Variants in FAAP20 observed in about 807,000 individuals in gnomAD.
FAAP20 encodes the protein Fanconi anemia core complex-associated protein 20.
In FAAP20, 12 loss-of-function variants were observed where a neutral mutation model predicts 16.2. The observed-to-expected ratio is 0.74, with a 90% CI of 0.48 to 1.20. The LOEUF (loss-of-function observed/expected upper bound fraction) is 1.20. Ranked by LOEUF, FAAP20 falls within the 50% of genes most tolerant of loss-of-function variation. The pLI is 0.00. For synonymous variants in FAAP20, 141 were observed against 110.7 expected, an observed-to-expected ratio of 1.27 and a Z score of -1.72; for missense variants, 288 against 245.8, an observed-to-expected ratio of 1.17 and a Z score of -1.15.
downstream of FAAP20, chr1:2,184,955 C>T (rs765516211): frequency 1.2e-6 from 2 of 1,613,824 alleles, no homozygotes; most frequent in African/African-American, 1.3e-5. Flanking sequence ...AGTCAGAGTT[C>T]GAAGGCTTTG....
At position 2,193,986 on chromosome 1, in the gene FAAP20, C is replaced by A. The variant is rs768331928; in HGVS notation, c.198+12G>T. 6 of 1,612,610 alleles carry A rather than the reference C, an allele frequency of 3.7e-6. No individual in the cohort carries two copies. Among genetic ancestry groups the A allele is most frequent in the Non-Finnish European group, 4.2e-6 (5 of 1,179,900 alleles). ...AACCCCTTCATCGCTAAGATGGGCC[C>A]AGTGGGCACACCTGTCCTGGGAAGG... is the stretch of plus-strand genomic sequence containing the variant. On this transcript the variant is annotated intron_variant, in intron 2 of 3. Coordinates refer to ENST00000378546, the MANE Select transcript of FAAP20 (RefSeq NM_182533.4).
chr1:2,195,770 G>C (rs1405088662), upstream of FAAP20, among the ~76,000 whole-genome samples: 1 of 152,248 alleles, frequency 6.6e-6, no homozygotes, highest in Non-Finnish European at 1.5e-5. Flanking sequence ...CCATAGGTTG[G>C]TGTTCAGGGA....
downstream of FAAP20, among the ~76,000 whole-genome samples, chr1:2,188,874 G>T (rs950437994): frequency 6.6e-6 from 1 of 151,982 alleles, no homozygotes; most frequent in Non-Finnish European, 1.5e-5. Flanking sequence ...GCGTGGTGGC[G>T]GGCGCCTGTA....
intron 3 of FAAP20, chr1:2,193,416 C>A (rs527871927): frequency 1.2e-5 from 8 of 677,764 alleles, no homozygotes; most frequent in Non-Finnish European, 1.9e-5. Flanking sequence ...GTTCTGTGGG[C>A]CCCCAGCCTG....
At chr1:2,201,248 T>G, upstream of FAAP20, 3 of 1,192,906 alleles carry the variant, frequency 2.5e-6, no homozygotes, top group South Asian at 4.5e-5. Context: ...ATAAGGACAG[T>G]GGGTGGCCTG....
upstream of FAAP20, among the ~76,000 whole-genome samples, chr1:2,201,583 G>T (rs184270125): frequency 2.0e-5 from 3 of 152,166 alleles, no homozygotes; most frequent in African/African-American, 4.8e-5. Flanking sequence ...TTAGCCGGGC[G>T]TGGTGCCGTG....
chr1:2,199,171 T>C (rs1688943178), upstream of FAAP20: 1 of 1,179,408 alleles, frequency 8.5e-7, no homozygotes, highest in Non-Finnish European at 1.1e-6. The surrounding 1 kb of genome is among the most constrained non-coding windows in gnomAD (Gnocchi z 4.5). Context: ...ATCCCAGCCA[T>C]GGCCTGTGTC....
downstream of FAAP20, among the ~76,000 whole-genome samples, chr1:2,211,862 G>A (rs1557798284): frequency 6.6e-6 from 1 of 151,512 alleles, no homozygotes; most frequent in Non-Finnish European, 1.5e-5. Flanking sequence ...AGGGATTACA[G>A]GCGTGAGCCA....
upstream of FAAP20, among the ~76,000 whole-genome samples, chr1:2,202,817 T>G (rs2100742137): frequency 6.6e-6 from 1 of 152,280 alleles, no homozygotes; most frequent in East Asian, 1.9e-4. Context: ...TCTCATAATA[T>G]TGTCCAGGCT....
At chr1:2,199,222 C>T, upstream of FAAP20, 1 of 1,164,910 alleles carries the variant, frequency 8.6e-7, no homozygotes, top group African/African-American at 1.6e-5. This position sits in a 1 kb window ranked among gnomAD's most constrained non-coding sequence, Gnocchi z 4.5. Flanking sequence ...GCCGCCCTCT[C>T]TCAAAGTCCC....
chr1:2,199,004 G>A, upstream of FAAP20: 1 of 1,270,398 alleles, frequency 7.9e-7, no homozygotes. The surrounding 1 kb of genome is among the most constrained non-coding windows in gnomAD (Gnocchi z 4.5). Context: ...GCAAGAGTAG[G>A]GGTGTGCCTT....
chr1:2,198,127 T>G (rs755993528), upstream of FAAP20: 80 of 1,290,856 alleles, frequency 6.2e-5, no homozygotes, highest in Non-Finnish European at 8.1e-5. Flanking sequence ...TCTGCTGCTG[T>G]GGTGACGGAG....
At chr1:2,206,829 T>TTAA (rs1689276017) in intron 1 of FAAP20, among the ~76,000 whole-genome samples, 1 of 65,686 alleles carries the variant, frequency 1.5e-5, no homozygotes, top group African/African-American at 4.9e-5. Flanking sequence ...CGAGACTGTC[T>TTAA]CAAAAAAAAA....
intron 3 of FAAP20, chr1:2,190,249 C>A (rs920462644): frequency 1.5e-5 from 7 of 457,116 alleles, no homozygotes; most frequent in African/African-American, 1.0e-4. Flanking sequence ...GTGTTTCTGG[C>A]GAGGAGGGAC....
chr1:2,192,955 ATTCCCGAGCTG>A (rs1179581545), intron 3 of FAAP20: 11 of 1,303,904 alleles, frequency 8.4e-6, no homozygotes, highest in Non-Finnish European at 1.1e-5. Flanking sequence ...GTGCCTTCGC[ATTCCCGAGCTG>A]TTTTTGCTTC....
At chr1:2,205,384 G>C (rs1235132447) in intron 3 of FAAP20, among the ~76,000 whole-genome samples, 1 of 148,060 alleles carries the variant, frequency 6.8e-6, no homozygotes, top group African/African-American at 2.5e-5. Context: ...GCCCAGCCTG[G>C]GGCAGCCGTC....
At chr1:2,184,567 C>T, downstream of FAAP20, 1 of 1,609,524 alleles carries the variant, frequency 6.2e-7, no homozygotes, top group Non-Finnish European at 8.5e-7. Flanking sequence ...GACCCTTCTC[C>T]TATTGTTTTT....
At chr1:2,193,344 C>T in intron 3 of FAAP20, 2 of 526,198 alleles carry the variant, frequency 3.8e-6, no homozygotes, top group Non-Finnish European at 6.6e-6. Flanking sequence ...ACGCTGGTGC[C>T]ACCAGATTCC....
upstream of FAAP20, chr1:2,199,600 G>A: frequency 1.0e-6 from 1 of 985,788 alleles, no homozygotes; most frequent in South Asian, 4.7e-5. The surrounding 1 kb of genome is among the most constrained non-coding windows in gnomAD (Gnocchi z 4.5). Context: ...GGGAAGGCAA[G>A]TCACAGAAAC....
Sources: gnomAD v4.1 joint callset for allele counts (sites outside exome capture counted in the v4.1 genomes callset) on GRCh38, gnomAD v4.1.1 for gene constraint, Gnocchi (gnomAD v3.1) non-coding constraint, MANE v1.5 for transcripts, NCBI Gene and HGNC (gene_info 2026-07-23, HGNC 2026-07-21) for gene names.